The following ATP6V0E1 variants were observed in gnomAD, a reference collection of about 807,000 sequenced individuals.
ATP6V0E1 encodes ATPase H+ transporting V0 subunit e1, also known as V-type proton ATPase subunit e 1.
Under a neutral mutation model 11.6 loss-of-function variants are expected in ATP6V0E1, and 4 were observed. That is an observed-to-expected ratio of 0.35 (90% CI 0.17 to 0.79). The LOEUF is 0.79. Among genes scored for constraint, ATP6V0E1 ranks in the 30% least tolerant of loss-of-function variants. The pLI is 0.54. For synonymous variants in ATP6V0E1, 36 were observed against 34.8 expected, an observed-to-expected ratio of 1.04 and a Z score of -0.13; for missense variants, 105 against 100.0, an observed-to-expected ratio of 1.05 and a Z score of -0.21.
chr5:172,985,328 T>C (rs1334339116), intron 1 of ATP6V0E1, among the ~76,000 whole-genome samples: 2 of 152,110 alleles, frequency 1.3e-5, no homozygotes, highest in Non-Finnish European at 2.9e-5. Context: ...CTCCCTGGGA[T>C]ACATTTGCTT....
chr5:173,001,426 A>T (rs1291111086), intron 2 of ATP6V0E1, among the ~76,000 whole-genome samples: 2 of 152,020 alleles, frequency 1.3e-5, no homozygotes, highest in Non-Finnish European at 2.9e-5. Flanking sequence ...TGTCCATCAC[A>T]CAGGGACCTG....
intron 1 of ATP6V0E1, among the ~76,000 whole-genome samples, chr5:172,984,541 G>A (rs1305923502): frequency 2.0e-5 from 3 of 152,184 alleles, no homozygotes; most frequent in Non-Finnish European, 4.4e-5. Context: ...AGAAACCCCT[G>A]CGTCATGCCT....
At chr5:172,996,048 G>A (rs1170241723) in intron 2 of ATP6V0E1, among the ~76,000 whole-genome samples, 1 of 152,148 alleles carries the variant, frequency 6.6e-6, no homozygotes, top group Non-Finnish European at 1.5e-5. Flanking sequence ...AAGGTAGGAA[G>A]CAACAGTTCT....
rs999790390 is a variant in ATP6V0E1, at chr5:172,998,190, CTTTT to C, written c.152+3386_152+3389del. Among the ~76,000 whole-genome samples, 60 of 104,882 alleles carry C rather than the reference CTTTT, an allele frequency of 5.7e-4. 2 individuals carry two copies. The East Asian group carries it at 0.015, about 26-fold the overall frequency. 68.8% of individuals were successfully genotyped at this position (104,882 alleles called of 152,430 possible). A position where few individuals can be genotyped will look rare whatever the true frequency, so the allele number is the denominator to read the frequency against. ...CAGCTGATGAAACTTAAAATTTAGT[CTTTT>C]TTTTTTTTTTTTTTTTTGGTTAGAG... is the stretch of plus-strand genomic sequence containing the variant. On this transcript the variant is annotated intron_variant, in intron 2 of 3. Transcript: ENST00000519374.
chr5:173,007,459 G>A (rs572155855), intron 2 of ATP6V0E1, among the ~76,000 whole-genome samples: 4 of 152,298 alleles, frequency 2.6e-5, no homozygotes, highest in South Asian at 2.1e-4. Context: ...TTTCACAGCC[G>A]GGAAAAGAGA....
intron 3 of ATP6V0E1, among the ~76,000 whole-genome samples, chr5:173,024,211 A>G (rs959844577): frequency 1.3e-5 from 2 of 150,982 alleles, no homozygotes; most frequent in East Asian, 3.9e-4. Context: ...AAAAAAAAAA[A>G]AAAAAGAAAG....
At chr5:173,032,038 T>C (rs1227848397) in intron 3 of ATP6V0E1, among the ~76,000 whole-genome samples, 2 of 151,216 alleles carry the variant, frequency 1.3e-5, no homozygotes, top group Non-Finnish European at 2.9e-5. Context: ...CCTGTAGTCC[T>C]AGCTACTTGG....
intron 2 of ATP6V0E1, among the ~76,000 whole-genome samples, chr5:173,010,030 GGAATTACAGGC>G (rs1406454601): frequency 1.3e-5 from 2 of 152,180 alleles, no homozygotes; most frequent in Non-Finnish European, 2.9e-5. Context: ...CCAAAGTGCT[GGAATTACAGGC>G]GCGAGCCACC....
intron 1 of ATP6V0E1, among the ~76,000 whole-genome samples, chr5:172,992,577 T>C (rs1756000596): frequency 6.6e-6 from 1 of 152,070 alleles, no homozygotes; most frequent in Non-Finnish European, 1.5e-5. Flanking sequence ...AGACGCCACC[T>C]CCTCAGCAAG....
intron 2 of ATP6V0E1, among the ~76,000 whole-genome samples, chr5:173,014,810 TAA>T (rs1561773716): frequency 6.6e-6 from 1 of 152,032 alleles, no homozygotes. Flanking sequence ...ACAGAGGAAA[TAA>T]GTTTCTTCTA....
chr5:172,993,836 A>C (rs1756023805), intron 1 of ATP6V0E1, among the ~76,000 whole-genome samples: 1 of 152,046 alleles, frequency 6.6e-6, no homozygotes, highest in Non-Finnish European at 1.5e-5. Flanking sequence ...ATGCCACTGC[A>C]CTCTAGCCTG....
At chr5:173,020,157 A>G in intron 2 of ATP6V0E1, 81 bp from the exon 3 acceptor site, 1 of 1,165,250 alleles carries the variant, frequency 8.6e-7, no homozygotes, top group Non-Finnish European at 1.3e-6. Flanking sequence ...TTGCTAGTGT[A>G]CTTTTTCCAT....
chr5:173,026,003 T>A (rs10071169), intron 3 of ATP6V0E1, among the ~76,000 whole-genome samples: 94,554 of 149,682 alleles, frequency 0.63, 31,951 homozygotes, highest in East Asian at 0.88. Flanking sequence ...AATAATAATA[T>A]TTTTTTTTTT....
In ATP6V0E1 at chr5:173,020,370, G is replaced by GACT; in HGVS notation, c.*36+5_*36+7dup. ...CTCTACAGTGCTCAGTCTTTGAGGTGACTATGCTTGTGACCTTTCTTATCA... is the reference window on the plus strand; with the variant it reads ...CTCTACAGTGCTCAGTCTTTGAGGTGACTACTATGCTTGTGACCTTTCTTATCA... On this transcript the variant is annotated splice_donor_region_variant and intron_variant, in intron 3 of 3. Transcript: ENST00000519374. 3 of 1,487,564 alleles carry GACT rather than the reference G, an allele frequency of 2.0e-6. No individual in the cohort carries two copies. Among genetic ancestry groups the GACT allele is most frequent in the Non-Finnish European group, 2.8e-6 (3 of 1,069,448 alleles). The allele number at this position is 1,487,564 out of a possible 1,614,324, so 92.1% of individuals were successfully genotyped here. A position where few individuals can be genotyped will look rare whatever the true frequency, so the allele number is the denominator to read the frequency against.
intron 2 of ATP6V0E1, among the ~76,000 whole-genome samples, chr5:173,018,321 G>C (rs930349116): frequency 9.2e-5 from 14 of 152,154 alleles, no homozygotes; most frequent in Admixed American, 6.6e-5. Flanking sequence ...GAGCATAAAG[G>C]TCTTCATCCT....
At chr5:173,033,783 G>A (rs1182048624) in intron 3 of ATP6V0E1, among the ~76,000 whole-genome samples, 1 of 152,124 alleles carries the variant, frequency 6.6e-6, no homozygotes, top group Non-Finnish European at 1.5e-5. Context: ...GATTGAGACT[G>A]CAGTGAGCCG....
At chr5:173,034,072 G>C (rs1756704497) in intron 3 of ATP6V0E1, among the ~76,000 whole-genome samples, 1 of 152,196 alleles carries the variant, frequency 6.6e-6, no homozygotes, top group Admixed American at 6.5e-5. Context: ...CTATAAGAGG[G>C]AAGGGAAAAA....
At chr5:173,020,577 C>A (rs771840123) in intron 3 of ATP6V0E1, 9 of 547,594 alleles carry the variant, frequency 1.6e-5, no homozygotes, top group Admixed American at 2.8e-5. Flanking sequence ...TATCACCCTG[C>A]CTTTTTAAAT....
At chr5:173,010,943 C>G (rs775100323) in intron 2 of ATP6V0E1, among the ~76,000 whole-genome samples, 4 of 152,258 alleles carry the variant, frequency 2.6e-5, no homozygotes, top group South Asian at 2.1e-4. Context: ...TTCTAGTAAC[C>G]AAGAGCTGAG....
Sources: gnomAD v4.1 joint callset for allele counts (sites outside exome capture counted in the v4.1 genomes callset) on GRCh38, gnomAD v4.1.1 for gene constraint, MANE v1.5 for transcripts, NCBI Gene and HGNC (gene_info 2026-07-23, HGNC 2026-07-21) for gene names.